LGSN: variants seen among roughly 807,000 people sequenced by gnomAD.
The protein encoded by LGSN is lengsin, lens protein with glutamine synthetase domain.
LGSN carries 21 observed loss-of-function variants against 19.5 expected under a neutral mutation model. That is an observed-to-expected ratio of 1.07 (90% CI 0.76 to 1.55). The LOEUF is 1.55. LGSN is among the 40% of genes most tolerant of loss of function. The pLI is 0.00. For synonymous variants in LGSN, 257 were observed against 215.6 expected, an observed-to-expected ratio of 1.19 and a Z score of -1.68; for missense variants, 673 against 608.5, an observed-to-expected ratio of 1.11 and a Z score of -1.12.
At chr6:63,412,486 GAAA>G in the LGSN span, among the ~76,000 whole-genome samples, 2 of 57,660 alleles carry the variant, frequency 3.5e-5, no homozygotes, top group Admixed American at 2.2e-4. Flanking sequence ...AGAAAGAGAA[GAAA>G]GAAAGAAAGA....
the LGSN span, among the ~76,000 whole-genome samples, chr6:63,556,778 TA>T: frequency 6.6e-6 from 1 of 152,238 alleles, no homozygotes; most frequent in East Asian, 1.9e-4. Flanking sequence ...AACAGTAACG[TA>T]AAAGTGAGTT....
the LGSN span, among the ~76,000 whole-genome samples, chr6:63,545,469 G>A: frequency 0.011 from 1,736 of 152,224 alleles, 15 homozygotes; most frequent in Non-Finnish European, 0.017. Context: ...AAATTAGCTG[G>A]GCGTGGTGGC....
chr6:63,400,059 A>G, the LGSN span, among the ~76,000 whole-genome samples: 1 of 152,158 alleles, frequency 6.6e-6, no homozygotes, highest in African/African-American at 2.4e-5. Context: ...TAGACTTCAA[A>G]TTTATTGCAA....
chr6:63,295,024 T>C lies in LGSN; in HGVS notation c.52A>G (p.Asn18Asp), dbSNP rs768655477. 8 of 1,613,536 alleles carry C rather than the reference T, an allele frequency of 5.0e-6. No individual in the cohort carries two copies. In the East Asian group the frequency reaches 1.8e-4, roughly 36 times the overall value. ...TTCATGCTGTTGGCTTCAGTCTCAT[T>C]GCCTTCATCTCTTGTTGAGTCCTGT... is the stretch of plus-strand genomic sequence containing the variant. ...LQEDSTRDEG[N>D]ETEANSMNTL... is the part of the protein sequence containing the mutation. The change falls in exon 2 of 4, where the codon AAT becomes GAT. Residue 18 changes from asparagine to aspartate, a missense_variant. Physicochemically the swap from Asn to Asp is conservative, Grantham distance 23. Coordinates refer to ENST00000370657, the MANE Select transcript of LGSN (RefSeq NM_016571.3).
the LGSN span, chr6:63,548,745 T>A: frequency 2.9e-6 from 2 of 685,568 alleles, 1 homozygote; most frequent in Non-Finnish European, 5.3e-6. Flanking sequence ...AGCCTTTGCC[T>A]TTTCGAGCTT....
At chr6:63,558,132 A>G in the LGSN span, among the ~76,000 whole-genome samples, 1 of 152,098 alleles carries the variant, frequency 6.6e-6, no homozygotes, top group African/African-American at 2.4e-5. Context: ...GGCCTCCCAA[A>G]GTGCTGGGAT....
chr6:63,442,532 A>G, the LGSN span, among the ~76,000 whole-genome samples: 2 of 152,050 alleles, frequency 1.3e-5, no homozygotes, highest in Non-Finnish European at 2.9e-5. Context: ...GCTAGACATA[A>G]AAGTTCTCCA....
the LGSN span, among the ~76,000 whole-genome samples, chr6:63,419,880 CAAAAAAAAAAAA>C: frequency 3.5e-4 from 20 of 57,328 alleles, no homozygotes; most frequent in African/African-American, 1.4e-3. Context: ...AACTCCCTCC[CAAAAAAAAAAAA>C]AAAAAAAAAA....
At chr6:63,289,706 A>T (rs1305262536) in intron 2 of LGSN, among the ~76,000 whole-genome samples, 1 of 152,226 alleles carries the variant, frequency 6.6e-6, no homozygotes, top group Non-Finnish European at 1.5e-5. Flanking sequence ...CAATGAGGAC[A>T]TATATCAGTT....
At chr6:63,408,992 C>A in the LGSN span, among the ~76,000 whole-genome samples, 1 of 152,180 alleles carries the variant, frequency 6.6e-6, no homozygotes, top group South Asian at 2.1e-4. Context: ...CTCATTGCAG[C>A]CTCGAACTTC....
chr6:63,311,294 T>A (rs572438471), intron 1 of LGSN, among the ~76,000 whole-genome samples: 1 of 152,330 alleles, frequency 6.6e-6, no homozygotes, highest in Admixed American at 6.5e-5. Context: ...GTACTTTAAG[T>A]TTTCAGTCAG....
the LGSN span, among the ~76,000 whole-genome samples, chr6:63,476,180 AG>A: frequency 6.6e-6 from 1 of 152,194 alleles, no homozygotes; most frequent in South Asian, 2.1e-4. Context: ...AATCATTAAA[AG>A]TTCACCTTGG....
chr6:63,337,055 C>G, the LGSN span, among the ~76,000 whole-genome samples: 1 of 151,900 alleles, frequency 6.6e-6, no homozygotes, highest in South Asian at 2.1e-4. Flanking sequence ...TCCCGAGTAG[C>G]TGGGATTACA....
chr6:63,365,312 C>T, the LGSN span, among the ~76,000 whole-genome samples: 20,282 of 151,934 alleles, frequency 0.13, 3,005 homozygotes, highest in African/African-American at 0.37. Context: ...TAAACACCTC[C>T]ACGCAAATAA....
At chr6:63,493,100 G>A in the LGSN span, among the ~76,000 whole-genome samples, 1 of 151,974 alleles carries the variant, frequency 6.6e-6, no homozygotes, top group Non-Finnish European at 1.5e-5. Context: ...ACCCTTCCAG[G>A]TCTGATAAGA....
At chr6:63,531,725 A>C in the LGSN span, among the ~76,000 whole-genome samples, 1 of 152,082 alleles carries the variant, frequency 6.6e-6, no homozygotes, top group South Asian at 2.1e-4. Context: ...TACTGGACTC[A>C]AGTGACCCAC....
At chr6:63,443,396 C>T in the LGSN span, 16,688 of 158,234 alleles carry the variant, frequency 0.11, 1,848 homozygotes, top group African/African-American at 0.28. Context: ...CACAGTGCAG[C>T]GGTGGGCTGA....
chr6:63,470,651 T>C, the LGSN span, among the ~76,000 whole-genome samples: 1 of 152,124 alleles, frequency 6.6e-6, no homozygotes, highest in African/African-American at 2.4e-5. Flanking sequence ...CTTGCTCTGA[T>C]AAGGAATACA....
chr6:63,340,054 C>A, the LGSN span, among the ~76,000 whole-genome samples: 4 of 152,038 alleles, frequency 2.6e-5, no homozygotes, highest in Admixed American at 2.0e-4. Flanking sequence ...TCTTAACTAG[C>A]AGGGTGTTTT....
Sources: allele counts gnomAD v4.1 joint callset (sites outside exome capture counted in the v4.1 genomes callset), GRCh38; gene constraint gnomAD v4.1.1; transcripts MANE v1.5; gene names NCBI Gene and HGNC (gene_info 2026-07-23, HGNC 2026-07-21).